PCGF6: variants seen among roughly 807,000 people sequenced by gnomAD.
The protein encoded by PCGF6 is polycomb group RING finger protein 6.
PCGF6 carries 24 observed loss-of-function variants against 45.5 expected under a neutral mutation model. The ratio of observed to expected loss-of-function variants is 0.53; its 90% CI spans 0.38 to 0.74. The LOEUF is 0.74. PCGF6 is among the 30% of genes least tolerant of loss of function. The pLI is 0.00. For synonymous variants in PCGF6, 152 were observed against 162.1 expected, an observed-to-expected ratio of 0.94 and a Z score of 0.47; for missense variants, 356 against 443.2, an observed-to-expected ratio of 0.80 and a Z score of 1.77.
intron 9 of PCGF6, among the ~76,000 whole-genome samples, chr10:103,310,340 T>G (rs2093152902): frequency 6.6e-6 from 1 of 151,784 alleles, no homozygotes; most frequent in African/African-American, 2.4e-5. Flanking sequence ...GCCTTGGTGC[T>G]AGGGAGAAGA....
At chr10:103,346,830 T>C (rs1054453690) in intron 5 of PCGF6, among the ~76,000 whole-genome samples, 1 of 152,186 alleles carries the variant, frequency 6.6e-6, no homozygotes, top group Non-Finnish European at 1.5e-5. Flanking sequence ...TCCAAATCTA[T>C]TTCATGTCCA....
chr10:103,336,879 A>G (rs1301507562), intron 6 of PCGF6, among the ~76,000 whole-genome samples: 1 of 152,122 alleles, frequency 6.6e-6, no homozygotes, highest in African/African-American at 2.4e-5. Context: ...CATCTCAAAA[A>G]AGCAAAAAAA....
At chr10:103,334,022 A>G in intron 6 of PCGF6, 70 bp from the exon 7 acceptor site, 1 of 1,050,246 alleles carries the variant, frequency 9.5e-7, no homozygotes, top group Non-Finnish European at 1.3e-6. Context: ...AAAACAACAT[A>G]TATAAATATT....
intron 8 of PCGF6, among the ~76,000 whole-genome samples, chr10:103,317,996 A>G (rs1419506531): frequency 6.6e-6 from 1 of 151,352 alleles, no homozygotes; most frequent in Non-Finnish European, 1.5e-5. Context: ...AACTCAGGCA[A>G]TCCGCCCACT....
intron 8 of PCGF6, among the ~76,000 whole-genome samples, chr10:103,320,788 G>A (rs1434609433): frequency 1.3e-5 from 2 of 152,110 alleles, no homozygotes; most frequent in Admixed American, 1.3e-4. Context: ...AGTCCCGTGG[G>A]AATTACTCGT....
At chr10:103,329,937 C>G (rs1033992852) in intron 7 of PCGF6, among the ~76,000 whole-genome samples, 1 of 151,242 alleles carries the variant, frequency 6.6e-6, no homozygotes, top group African/African-American at 2.4e-5. Context: ...TGCCACCATG[C>G]CCTGCTAATT....
rs146633399 is a variant in PCGF6 at position 103,329,771 on chromosome 10, C to T, written c.811-3139G>A. 8.0e-4 allele frequency among the ~76,000 whole-genome samples: 121 copies of T among 151,584 alleles called. No individual in the cohort carries two copies. In the East Asian group the frequency reaches 0.019, roughly 24 times the overall value. ...TATAGGTGTGAGCCACCGTGCCCGG[C>T]CAGTTTTTTTGTTGTTTGTTTGTTT... On this transcript the variant is annotated intron_variant, in intron 7 of 9. Transcript: ENST00000369847.
chr10:103,314,959 A>G, intron 8 of PCGF6, among the ~76,000 whole-genome samples: 1 of 150,286 alleles, frequency 6.7e-6, no homozygotes, highest in Non-Finnish European at 1.5e-5. Context: ...TGTCATAAAA[A>G]AAAAAAAAAA....
At chr10:103,304,621 G>A (rs974379753) in intron 9 of PCGF6, among the ~76,000 whole-genome samples, 3 of 147,338 alleles carry the variant, frequency 2.0e-5, no homozygotes, top group Non-Finnish European at 3.0e-5. Flanking sequence ...GATTAGAGGC[G>A]TGAGCCAGAA....
chr10:103,336,303 A>G (rs2093257116), intron 6 of PCGF6, among the ~76,000 whole-genome samples: 1 of 151,418 alleles, frequency 6.6e-6, no homozygotes, highest in Non-Finnish European at 1.5e-5. Flanking sequence ...AAATATTTAT[A>G]TATTATAAAC....
intron 9 of PCGF6, among the ~76,000 whole-genome samples, chr10:103,305,558 G>A (rs1021022774): frequency 1.3e-4 from 20 of 151,926 alleles, no homozygotes; most frequent in Non-Finnish European, 2.9e-5. Context: ...AGTGTGACCC[G>A]CTGCACCCGG....
chr10:103,321,543 T>A (rs2093197370), intron 8 of PCGF6, among the ~76,000 whole-genome samples: 1 of 151,938 alleles, frequency 6.6e-6, no homozygotes, highest in African/African-American at 2.4e-5. Flanking sequence ...AAACCCTGTC[T>A]CTACTAAAAA....
chr10:103,348,981 CAG>C lies in PCGF6; in HGVS notation c.377_378del (p.Ser126Ter). On this transcript the variant is annotated frameshift_variant, in exon 2 of 10. Transcript: ENST00000369847. LOFTEE classifies it high-confidence loss of function. ...EDEEERLINLSELTPYILCSI... is the reference protein window; with the variant it reads ...EDEEERLINLXELTPYILCSI... ...GAACACAAGATGTATGGGGTCAGCTCAGAGAGATTAATCAGGCGCTGCAAATA... is the reference window on the plus strand; with the variant it reads ...GAACACAAGATGTATGGGGTCAGCTCAGAGATTAATCAGGCGCTGCAAATA... The C allele has an allele frequency of 6.2e-7, 1 of 1,612,894 alleles. No homozygotes were observed. Among genetic ancestry groups the C allele is most frequent in the Non-Finnish European group, 8.5e-7 (1 of 1,179,494 alleles).
intron 8 of PCGF6, among the ~76,000 whole-genome samples, chr10:103,315,485 G>A (rs1259289841): frequency 3.3e-5 from 5 of 152,016 alleles, no homozygotes; most frequent in East Asian, 1.9e-4. Context: ...TCAGCCTCCC[G>A]AATAGCTGGA....
chr10:103,325,253 G>A (rs778568769), intron 8 of PCGF6, among the ~76,000 whole-genome samples: 20 of 151,774 alleles, frequency 1.3e-4, no homozygotes, highest in Non-Finnish European at 2.8e-4. Context: ...TTGTTTTTTT[G>A]TTTGTTTTGT....
intron 6 of PCGF6, among the ~76,000 whole-genome samples, chr10:103,344,525 C>T (rs1160499731): frequency 6.6e-6 from 1 of 152,096 alleles, no homozygotes; most frequent in Admixed American, 6.6e-5. Flanking sequence ...ACCTCAGCCT[C>T]CCAAAGTGCT....
chr10:103,350,083 A>AAAAAG (rs1554866636), intron 1 of PCGF6, among the ~76,000 whole-genome samples: 4 of 145,068 alleles, frequency 2.8e-5, no homozygotes, highest in African/African-American at 1.0e-4. Context: ...ACTCCGTCTC[A>AAAAAG]AAAACAAAAC....
At chr10:103,349,051 T>A in intron 1 of PCGF6, 52 bp from the exon 2 acceptor site, 1 of 1,495,428 alleles carries the variant, frequency 6.7e-7, no homozygotes, top group Non-Finnish European at 9.2e-7. Flanking sequence ...CTTTTACAAA[T>A]TCTTTTTTTT....
intron 6 of PCGF6, among the ~76,000 whole-genome samples, chr10:103,342,587 G>A (rs1233660231): frequency 2.0e-5 from 3 of 152,040 alleles, no homozygotes; most frequent in African/African-American, 7.2e-5. Context: ...AAAAGTATAC[G>A]TGTACTTGCG....
Sources: allele counts gnomAD v4.1 joint callset (sites outside exome capture counted in the v4.1 genomes callset), GRCh38; gene constraint gnomAD v4.1.1; transcripts MANE v1.5; gene names NCBI Gene and HGNC (gene_info 2026-07-23, HGNC 2026-07-21).